The following THSD7B variants were observed in gnomAD, a reference collection of about 807,000 sequenced individuals.
THSD7B encodes thrombospondin type 1 domain containing 7B.
In THSD7B, 138 loss-of-function variants were observed where a neutral mutation model predicts 213.6. The observed-to-expected ratio is 0.65, with a 90% CI of 0.56 to 0.74. The LOEUF is 0.74. THSD7B is among the 30% of genes least tolerant of loss of function. The pLI is 0.00. For synonymous variants in THSD7B, 742 were observed against 687.0 expected (o/e 1.08, Z -1.25); for missense variants, 1,931 against 1,991.5 (o/e 0.97, Z 0.58).
At chr2:137,569,595 T>A (rs930911957) in intron 16 of THSD7B, among the ~76,000 whole-genome samples, 1 of 152,126 alleles carries the variant, frequency 6.6e-6, no homozygotes, top group Admixed American at 6.5e-5. Flanking sequence ...TTTCCAGAGG[T>A]ACTTGGTGCC....
At chr2:137,405,985 T>C (rs968837465) in intron 13 of THSD7B, among the ~76,000 whole-genome samples, 178 bp downstream of exon 13, 1 of 152,224 alleles carries the variant, frequency 6.6e-6, no homozygotes, top group African/African-American at 2.4e-5. Context: ...ACTCAATTAA[T>C]GTTTCCGAAA....
intron 15 of THSD7B, among the ~76,000 whole-genome samples, chr2:137,475,144 A>G (rs1459356547): frequency 6.6e-6 from 1 of 152,178 alleles, no homozygotes; most frequent in Non-Finnish European, 1.5e-5. Context: ...TTAGATATAC[A>G]TTCAATTTGG....
chr2:137,071,133 G>T (rs538336031), intron 3 of THSD7B, among the ~76,000 whole-genome samples: 1 of 152,232 alleles, frequency 6.6e-6, no homozygotes, highest in African/African-American at 2.4e-5. Context: ...CTGAGGAATC[G>T]CCACACTGAC....
intron 2 of THSD7B, among the ~76,000 whole-genome samples, chr2:137,012,579 A>T (rs1056195758): frequency 9.2e-5 from 14 of 152,356 alleles, no homozygotes; most frequent in Admixed American, 9.1e-4. Flanking sequence ...CAGCTTATTC[A>T]GAATGTGTCT....
At chr2:136,810,512 A>T (rs556582155) in intron 1 of THSD7B, among the ~76,000 whole-genome samples, 1 of 152,332 alleles carries the variant, frequency 6.6e-6, no homozygotes, top group East Asian at 1.9e-4. Flanking sequence ...AAGTGAAACT[A>T]TAAAAGATAC....
chr2:137,421,113 G>GGAAAAACACGCTGACTGTGTTTT (rs1686915371), intron 14 of THSD7B, among the ~76,000 whole-genome samples: 1 of 151,902 alleles, frequency 6.6e-6, no homozygotes. Flanking sequence ...TTCTGTGCAG[G>GGAAAAACACGCTGACTGTGTTTT]GAAAAACACG....
chr2:137,450,922 A>T lies in THSD7B; in HGVS notation c.3037A>T (p.Ser1013Cys). Residue 1013 changes from serine to cysteine, a missense_variant, in exon 15 of 28, where the codon AGT becomes TGT. Coordinates refer to ENST00000409968, the MANE Select transcript of THSD7B (RefSeq NM_001316349.2). Reference protein sequence around the residue: ...LSDWSSWGSCSSSCGIGVRIR... With the variant: ...LSDWSSWGSCCSSCGIGVRIR... ...CGATTGGTCTAGTTGGGGGTCTTGC[A>T]GTTCATCTTGTGGAATTGGAGTGAG... The T allele has an allele frequency of 6.2e-7, 1 of 1,613,726 alleles. No individual in the cohort carries two copies. The highest frequency in any genetic ancestry group is 8.5e-7 in the Non-Finnish European group (1 of 1,179,730).
chr2:137,165,913 C>G (rs1680119765), intron 6 of THSD7B, among the ~76,000 whole-genome samples: 1 of 151,948 alleles, frequency 6.6e-6, no homozygotes, highest in African/African-American at 2.4e-5. Flanking sequence ...CTTTCCTAGT[C>G]ATCGTGTTAT....
chr2:137,368,050 A>ATT (rs1558772615), intron 12 of THSD7B, among the ~76,000 whole-genome samples: 1 of 151,772 alleles, frequency 6.6e-6, no homozygotes. Flanking sequence ...GTAGTTCAAG[A>ATT]CTAAAGGACT....
rs143229030 is a variant in THSD7B, at chr2:137,139,503, T to A, written c.1370-20710T>A. On this transcript the variant is annotated intron_variant, in intron 5 of 27. Transcript: ENST00000409968. Reference sequence around the variant, plus strand: ...GGAACCCCGAGGTAATATGCTGCAATGTGGCCCAGGAGGCTGCCCAATCAA... The same window carrying A: ...GGAACCCCGAGGTAATATGCTGCAAAGTGGCCCAGGAGGCTGCCCAATCAA... Among the ~76,000 whole-genome samples the A allele has an allele frequency of 2.0e-3, 311 of 152,288 alleles. 1 individual carries two copies. The highest frequency in any genetic ancestry group is 7.0e-3 in the African/African-American group (291 of 41,566).
At position 137,314,980 on chromosome 2, in the gene THSD7B, C is replaced by G. The variant is rs531456226; in HGVS notation, c.2500+38954C>G. Among the ~76,000 whole-genome samples the G allele has an allele frequency of 3.9e-5, 6 of 152,354 alleles. No homozygotes were observed. In the East Asian group the frequency reaches 9.7e-4, roughly 25 times the overall value. ...TTTTTGTTTGTCTGTGCCCTGCCCC[C>G]AGAGGTGGAGCCTACAGAGGCAGGC... On this transcript the variant is annotated intron_variant, in intron 12 of 27. Transcript: ENST00000409968.
At chr2:137,089,366 G>A (rs1352858878) in intron 3 of THSD7B, among the ~76,000 whole-genome samples, 1 of 145,612 alleles carries the variant, frequency 6.9e-6, no homozygotes, top group Non-Finnish European at 1.5e-5. Flanking sequence ...GTGTGTATAT[G>A]TATATGTATA....
intron 4 of THSD7B, among the ~76,000 whole-genome samples, chr2:137,100,286 G>A (rs1372446368): frequency 1.3e-5 from 2 of 152,042 alleles, no homozygotes; most frequent in East Asian, 3.9e-4. Context: ...ACCTGCTTTG[G>A]CCTGTCACCG....
At chr2:137,558,151 C>G (rs1460364219) in intron 15 of THSD7B, among the ~76,000 whole-genome samples, 2 of 152,152 alleles carry the variant, frequency 1.3e-5, no homozygotes, top group Non-Finnish European at 2.9e-5. Context: ...GGAGCTGGTA[C>G]CATTCCTTCT....
intron 12 of THSD7B, among the ~76,000 whole-genome samples, chr2:137,289,400 C>T (rs1683265894): frequency 6.6e-6 from 1 of 151,820 alleles, no homozygotes; most frequent in Non-Finnish European, 1.5e-5. Flanking sequence ...AGAGTTTTCT[C>T]AAACTCATTT....
At chr2:137,019,177 G>A (rs1376233904) in intron 2 of THSD7B, among the ~76,000 whole-genome samples, 2 of 152,014 alleles carry the variant, frequency 1.3e-5, no homozygotes. Flanking sequence ...CACCCCACTC[G>A]CCTCCATTCC....
At chr2:137,046,614 C>T (rs1399294075) in intron 2 of THSD7B, among the ~76,000 whole-genome samples, 10 of 151,074 alleles carry the variant, frequency 6.6e-5, no homozygotes, top group Admixed American at 3.3e-4. Flanking sequence ...CTTGTAATTC[C>T]AGCTACTTGG....
At chr2:137,121,087 A>G (rs1042252251) in intron 5 of THSD7B, among the ~76,000 whole-genome samples, 22 of 152,340 alleles carry the variant, frequency 1.4e-4, no homozygotes, top group African/African-American at 5.3e-4. Flanking sequence ...CAAGTGTAAC[A>G]AACTTATCTT....
chr2:137,178,600 A>G (rs1680401402), intron 7 of THSD7B, among the ~76,000 whole-genome samples: 2 of 152,184 alleles, frequency 1.3e-5, no homozygotes, highest in Admixed American at 6.5e-5. Flanking sequence ...AACTCTAATA[A>G]TGTTTGGCAA....
Sources: gnomAD v4.1 joint callset for allele counts (sites outside exome capture counted in the v4.1 genomes callset) on GRCh38, gnomAD v4.1.1 for gene constraint, MANE v1.5 for transcripts, NCBI Gene and HGNC (gene_info 2026-07-23, HGNC 2026-07-21) for gene names.